The following GSE1 variants were observed in gnomAD, a reference collection of about 807,000 sequenced individuals.
GSE1 encodes genetic suppressor element 1.
A neutral mutation model predicts 112.6 loss-of-function variants in GSE1; 32 were observed. That is an observed-to-expected ratio of 0.28 (90% CI 0.21 to 0.38). The LOEUF is 0.38. GSE1 is among the 10% of genes least tolerant of loss of function. GSE1 has a pLI of 1.00. For synonymous variants in GSE1, 1,115 were observed against 735.6 expected (o/e 1.52, Z -8.35); for missense variants, 2,348 against 1,699.2 (o/e 1.38, Z -6.71).
chr16:85,588,539 G>C (rs1036558422), intron 1 of GSE1, among the ~76,000 whole-genome samples: 5 of 152,358 alleles, frequency 3.3e-5, no homozygotes, highest in African/African-American at 7.2e-5. Flanking sequence ...GGCGATTAAA[G>C]AAAGGGCTCT....
intron 1 of GSE1, among the ~76,000 whole-genome samples, chr16:85,272,591 C>G (rs1555550534): frequency 6.6e-6 from 1 of 152,222 alleles, no homozygotes; most frequent in Middle Eastern, 3.4e-3. Flanking sequence ...GTGCTCAGAG[C>G]TGGCCCTTTC....
chr16:85,618,380 G>C (rs981867763), intron 1 of GSE1, among the ~76,000 whole-genome samples: 1 of 152,220 alleles, frequency 6.6e-6, no homozygotes, highest in African/African-American at 2.4e-5. Context: ...GTAAATGACA[G>C]ATGCGGGTGA....
intron 1 of GSE1, among the ~76,000 whole-genome samples, chr16:85,602,224 G>T (rs561314695): frequency 6.6e-6 from 1 of 152,176 alleles, no homozygotes. Flanking sequence ...CGCCCAGGGG[G>T]TTGCCTGGAG....
At chr16:85,364,248 C>A (rs80264125) in intron 2 of GSE1, among the ~76,000 whole-genome samples, 1 of 152,196 alleles carries the variant, frequency 6.6e-6, no homozygotes, top group African/African-American at 2.4e-5. Context: ...CTCTCAGACC[C>A]TGCTTCCGGG....
chr16:85,512,520 C>T (rs535059377), intron 2 of GSE1, among the ~76,000 whole-genome samples: 72 of 152,328 alleles, frequency 4.7e-4, no homozygotes, highest in Middle Eastern at 3.4e-3. Flanking sequence ...CCTGCCCCTT[C>T]CCCAAGATTT....
intron 1 of GSE1, among the ~76,000 whole-genome samples, chr16:85,280,145 G>A (rs1050957967): frequency 2.0e-5 from 3 of 152,202 alleles, no homozygotes; most frequent in African/African-American, 7.2e-5. Context: ...GATGGAACTG[G>A]CCCTTGGAGA....
At chr16:85,250,263 C>A (rs1906321513) in intron 1 of GSE1, among the ~76,000 whole-genome samples, 1 of 152,184 alleles carries the variant, frequency 6.6e-6, no homozygotes, top group Admixed American at 6.5e-5. Context: ...GGAGGCCTGG[C>A]AAAGGGTCCT....
At chr16:85,565,990 A>G (rs540492461) in intron 1 of GSE1, among the ~76,000 whole-genome samples, 2 of 151,880 alleles carry the variant, frequency 1.3e-5, no homozygotes, top group East Asian at 3.9e-4. Context: ...TGGCTGTGTG[A>G]CTCTGGGCAG....
intron 1 of GSE1, among the ~76,000 whole-genome samples, chr16:85,218,938 G>A (rs1039676451): frequency 2.0e-5 from 3 of 152,146 alleles, no homozygotes; most frequent in Admixed American, 2.0e-4. Context: ...GGAGTGCAGT[G>A]GTGTGATATC....
At chr16:85,347,750 A>G (rs934228055) in intron 1 of GSE1, among the ~76,000 whole-genome samples, 3 of 151,962 alleles carry the variant, frequency 2.0e-5, no homozygotes, top group African/African-American at 7.3e-5. Context: ...CCCTCAGTAG[A>G]TGCTGTGGAC....
At chr16:85,390,606 C>T (rs930327781) in intron 2 of GSE1, among the ~76,000 whole-genome samples, 1 of 152,190 alleles carries the variant, frequency 6.6e-6, no homozygotes, top group African/African-American at 2.4e-5. Flanking sequence ...CTCCTGCTCA[C>T]TCACCTTGGA....
At chr16:85,538,981 G>C (rs9931322) in intron 2 of GSE1, among the ~76,000 whole-genome samples, 55,202 of 151,854 alleles carry the variant, frequency 0.36, 10,310 homozygotes, top group Middle Eastern at 0.51. Flanking sequence ...TCTGCCATCC[G>C]GGCCACCATG....
In GSE1 at chr16:85,447,399, C is replaced by G. The variant is rs115303284; in HGVS notation, c.2464+89756C>G. Among the ~76,000 whole-genome samples the G allele has an allele frequency of 6.9e-3, 1,050 of 152,300 alleles. 9 individuals are homozygous for G. The highest frequency in any genetic ancestry group is 0.024 in the African/African-American group (1,005 of 41,560). ...TTCAAGTCCCAGATTCACCACTTGA[C>G]CTTGGGCAGATGACCTCTCTGGACT... On this transcript the variant is annotated intron_variant, in intron 2 of 2. Coordinates refer to the GSE1 transcript ENST00000637419.
At chr16:85,173,048 G>T (rs528729618) in intron 1 of GSE1, among the ~76,000 whole-genome samples, 3 of 152,298 alleles carry the variant, frequency 2.0e-5, no homozygotes, top group East Asian at 3.9e-4. Context: ...TGAGCACGTC[G>T]TCTCCCGTCA....
intron 1 of GSE1, among the ~76,000 whole-genome samples, chr16:85,220,427 CTGTT>C (rs1040332043): frequency 1.5e-4 from 23 of 152,252 alleles, no homozygotes; most frequent in Admixed American, 7.9e-4. Context: ...GCTCAGCAGA[CTGTT>C]TGATTTATTT....
chr16:85,485,733 C>G (rs564285617), intron 2 of GSE1, among the ~76,000 whole-genome samples: 41 of 152,354 alleles, frequency 2.7e-4, no homozygotes, highest in African/African-American at 9.6e-4. Flanking sequence ...GTAATTGTTC[C>G]TGTAATTGGG....
intron 1 of GSE1, among the ~76,000 whole-genome samples, chr16:85,303,377 A>G (rs1308964250): frequency 6.6e-6 from 1 of 152,198 alleles, no homozygotes; most frequent in Non-Finnish European, 1.5e-5. Context: ...AGATGTTTCC[A>G]GAAAGGAGGT....
At chr16:85,493,995 G>A (rs974522237) in intron 2 of GSE1, among the ~76,000 whole-genome samples, 7 of 152,174 alleles carry the variant, frequency 4.6e-5, no homozygotes, top group Non-Finnish European at 8.8e-5. Context: ...GAGGTGGGAG[G>A]ATCGCTTGGG....
upstream of GSE1, among the ~76,000 whole-genome samples, chr16:85,551,554 G>T (rs763472188): frequency 6.6e-6 from 1 of 152,242 alleles, no homozygotes; most frequent in Non-Finnish European, 1.5e-5. Flanking sequence ...AAGGCCGCCC[G>T]GGAGGCTCAC....
Sources: gnomAD v4.1 joint callset for allele counts (sites outside exome capture counted in the v4.1 genomes callset) on GRCh38, gnomAD v4.1.1 for gene constraint, MANE v1.5 for transcripts, NCBI Gene and HGNC (gene_info 2026-07-23, HGNC 2026-07-21) for gene names.